Variants in RFC5 observed in about 807,000 individuals in gnomAD.
The protein encoded by RFC5 is A1 36 kDa subunit.
RFC5 carries 26 observed loss-of-function variants against 44.3 expected under a neutral mutation model. That is an observed-to-expected ratio of 0.59 (90% confidence interval 0.43 to 0.81). The LOEUF is 0.81. Among genes scored for constraint, RFC5 ranks in the 40% least tolerant of loss-of-function variants. The pLI, the probability that RFC5 is intolerant of heterozygous loss-of-function variation, is 0.00. For missense variants in RFC5, 328 were observed against 418.6 expected, an observed-to-expected ratio of 0.78 and a Z score of 1.89; for synonymous variants, 155 against 155.2, an observed-to-expected ratio of 1.00 and a Z score of 0.01.
At chr12:118,021,460 G>A (rs868465062) in intron 4 of RFC5, among the ~76,000 whole-genome samples, 41 of 152,046 alleles carry the variant, frequency 2.7e-4, no homozygotes, top group African/African-American at 9.4e-4. Flanking sequence ...CAATCTGCCC[G>A]CCGCAGCCTC....
At chr12:118,029,740 C>A in intron 9 of RFC5, 31 bp from the exon 10 acceptor site, 7 of 1,473,636 alleles carry the variant, frequency 4.8e-6, no homozygotes, top group Non-Finnish European at 6.6e-6. Context: ...TAGAGAGTGA[C>A]CTAACTCATT....
intron 9 of RFC5, among the ~76,000 whole-genome samples, chr12:118,028,496 A>G (rs1317379186): frequency 7.2e-6 from 1 of 138,432 alleles, no homozygotes; most frequent in African/African-American, 3.4e-5. Context: ...AAAAAAAAAC[A>G]AAACAAAACA....
chr12:118,031,239 A>G lies in RFC5; in HGVS notation c.984A>G (p.Ala328=), dbSNP rs766250576. The G allele has an allele frequency of 2.4e-5, 39 of 1,613,818 alleles. No individual in the cohort carries two copies. Among genetic ancestry groups the G allele is most frequent in the Non-Finnish European group, 3.1e-5 (37 of 1,179,916 alleles). The change falls in exon 11 of 11, where the codon GCA becomes GCG. Residue 328 remains alanine (A), a synonymous_variant. Transcript: ENST00000454402. The part of the protein sequence containing the change: ...EKIQLSSLIA[A]FQVTRDLIVA... ...TCCAGCTGAGCTCCCTCATTGCTGC[A>G]TTTCAAGTCACCAGAGACCTGATTG... is the stretch of plus-strand genomic sequence containing the variant.
chr12:118,026,829 C>A, intron 7 of RFC5, 60 bp from the exon 8 acceptor site: 2 of 1,575,560 alleles, frequency 1.3e-6, no homozygotes, highest in South Asian at 1.2e-5. Context: ...TGGCTCCCTG[C>A]AGCTTGGTGG....
chr12:118,019,908 C>G lies in RFC5; in HGVS notation c.267+140C>G. ...AGAAGTAAATTTGAATATTTTAATTCCCTTTTTCCTATAATGGTCATTTTG... is the reference window on the plus strand; with the variant it reads ...AGAAGTAAATTTGAATATTTTAATTGCCTTTTTCCTATAATGGTCATTTTG... On this transcript the variant is annotated intron_variant, in intron 3 of 10. Transcript: ENST00000454402. The surrounding 1 kb of genome is among the most constrained non-coding windows in gnomAD (Gnocchi z 4.2). The G allele has an allele frequency of 2.8e-6, 2 of 707,888 alleles. No homozygotes were observed. The highest frequency in any genetic ancestry group is 2.3e-6 in the Non-Finnish European group (1 of 438,524). The allele number at this position is 707,888 out of a possible 1,614,324, so 43.9% of individuals were successfully genotyped here. A position where few individuals can be genotyped will look rare whatever the true frequency, so the allele number is the denominator to read the frequency against.
At chr12:118,024,437 C>T (rs1593445378) in intron 5 of RFC5, among the ~76,000 whole-genome samples, 2 of 151,484 alleles carry the variant, frequency 1.3e-5, no homozygotes, top group Non-Finnish European at 2.9e-5. Flanking sequence ...TACATTCTTT[C>T]TTTTTTGAGA....
chr12:118,022,474 TC>T, intron 5 of RFC5, 115 bp downstream of exon 5: 1 of 735,122 alleles, frequency 1.4e-6, no homozygotes, highest in Non-Finnish European at 2.3e-6. Context: ...AGTTTTTTTT[TC>T]TTTTTTTGAG....
At chr12:118,018,171 G>A (rs1003772008) in intron 1 of RFC5, 5 of 586,702 alleles carry the variant, frequency 8.5e-6, no homozygotes, top group African/African-American at 7.3e-5. Flanking sequence ...TGTTATGGCT[G>A]AATCATATTC....
In RFC5 at chr12:118,016,854, G is replaced by T; in HGVS notation, c.27G>T (p.Gln9His). The change falls in exon 1 of 11, where the codon CAG becomes CAT. Residue 9 changes from glutamine (Q) to histidine (H), a missense_variant. Transcript: ENST00000454402. METSALKQQEQPAATKIRN... is the reference protein window; with the variant it reads METSALKQHEQPAATKIRN... ...TGGAGACCTCAGCACTCAAGCAGCA[G>T]GAGCAGCCCGCGGCGACCAAGATCA... 6.2e-7 allele frequency: 1 copy of T among 1,613,600 alleles called. No individual in the cohort carries two copies. The highest frequency in any genetic ancestry group is 8.5e-7 in the Non-Finnish European group (1 of 1,179,808).
downstream of RFC5, chr12:118,034,268 T>C: frequency 6.2e-7 from 1 of 1,614,204 alleles, no homozygotes; most frequent in Non-Finnish European, 8.5e-7. Flanking sequence ...GGTAAGTTGT[T>C]AGGAAACTTC....
At chr12:118,029,736 G>A in intron 9 of RFC5, 35 bp from the exon 10 acceptor site, 1 of 1,433,006 alleles carries the variant, frequency 7.0e-7, no homozygotes, top group Admixed American at 1.7e-5. Flanking sequence ...ACAGTAGAGA[G>A]TGACCTAACT....
intron 1 of RFC5, chr12:118,017,675 ATT>A (rs543384549): frequency 2.5e-3 from 1,924 of 783,822 alleles, no homozygotes; most frequent in South Asian, 4.6e-3. Flanking sequence ...GTATTTACGT[ATT>A]TTTTTTTTTT....
the RFC5 span, chr12:118,038,202 C>T: frequency 8.5e-5 from 112 of 1,321,140 alleles, no homozygotes; most frequent in Middle Eastern, 2.6e-4. Flanking sequence ...GATTTGCGGA[C>T]GATTTTGAGA....
chr12:118,025,967 T>C, intron 7 of RFC5, 139 bp downstream of exon 7: 1 of 591,216 alleles, frequency 1.7e-6, no homozygotes, highest in Non-Finnish European at 3.0e-6. Context: ...TCCTGCCTCC[T>C]GAGCAGCTGG....
chr12:118,024,470 C>A (rs888588174), intron 5 of RFC5, among the ~76,000 whole-genome samples: 1 of 151,846 alleles, frequency 6.6e-6, no homozygotes, highest in South Asian at 2.1e-4. Flanking sequence ...CTGTTGCCCA[C>A]GCTGGAGTGC....
chr12:118,034,583 G>GTCTCTCTCTCTCTCTCTCTCTCTCTC, downstream of RFC5: 1 of 537,440 alleles, frequency 1.9e-6, no homozygotes, highest in Non-Finnish European at 3.2e-6. Context: ...CGCTCTCTCT[G>GTCTCTCTCTCTCTCTCTCTCTCTCTC]TCTCTCTCTC....
At chr12:118,033,724 C>T (rs2031431809), downstream of RFC5, 1 of 155,636 alleles carries the variant, frequency 6.4e-6, no homozygotes, top group African/African-American at 2.4e-5. Context: ...ATCGAAGCAA[C>T]TCTGACCACA....
At chr12:118,018,026 A>G (rs781468709) in intron 1 of RFC5, 7 of 701,754 alleles carry the variant, frequency 1.0e-5, no homozygotes, top group East Asian at 2.7e-5. Flanking sequence ...CTTTCTATCT[A>G]TGGATTTGCC....
At chr12:118,034,858 T>C (rs560746928), downstream of RFC5, 12 of 804,262 alleles carry the variant, frequency 1.5e-5, no homozygotes, top group Non-Finnish European at 2.1e-5. Flanking sequence ...TTGAGTTTTA[T>C]ATAATCTTGA....
Sources: gnomAD v4.1 joint callset for allele counts (sites outside exome capture counted in the v4.1 genomes callset) on GRCh38, gnomAD v4.1.1 for gene constraint, Gnocchi (gnomAD v3.1) non-coding constraint, MANE v1.5 for transcripts, NCBI Gene and HGNC (gene_info 2026-07-23, HGNC 2026-07-21) for gene names.